The following PPFIA2 variants were observed in gnomAD, a reference collection of about 807,000 sequenced individuals.
PPFIA2 encodes the protein liprin-alpha-2.
PPFIA2 carries 46 observed loss-of-function variants against 175.5 expected under a neutral mutation model. The ratio of observed to expected loss-of-function variants is 0.26; its 90% CI spans 0.21 to 0.34. PPFIA2 has a LOEUF of 0.34. Ranked by LOEUF, PPFIA2 falls within the 10% of genes least tolerant of loss-of-function variation. PPFIA2 has a pLI of 1.00. For synonymous variants in PPFIA2, 568 were observed against 511.4 expected, an observed-to-expected ratio of 1.11 and a Z score of -1.49; for missense variants, 1,179 against 1,506.1, an observed-to-expected ratio of 0.78 and a Z score of 3.60.
intron 3 of PPFIA2, among the ~76,000 whole-genome samples, chr12:81,705,168 G>A (rs907788765): frequency 1.4e-5 from 2 of 147,952 alleles, no homozygotes; most frequent in African/African-American, 4.9e-5. Flanking sequence ...TGAAAGATAC[G>A]GCCGGGCGCA....
rs529663865 is a variant in PPFIA2 at position 81,692,419 on chromosome 12, A to C, written c.250-15575T>G. ...GAAATAATATAAATTGTTTTAAGCC[A>C]GTAAGTGTTCAGGTAATTATTTACA... On this transcript the variant is annotated intron_variant, in intron 3 of 32. Coordinates refer to ENST00000549396, the MANE Select transcript of PPFIA2 (RefSeq NM_003625.5). Among the ~76,000 whole-genome samples the C allele has an allele frequency of 1.2e-3, 188 of 152,140 alleles. 1 individual carries two copies. The highest frequency in any genetic ancestry group is 2.4e-3 in the Non-Finnish European group (160 of 68,020).
chr12:81,490,281 C>T (rs2059287943), intron 4 of PPFIA2, among the ~76,000 whole-genome samples: 1 of 151,852 alleles, frequency 6.6e-6, no homozygotes, highest in Non-Finnish European at 1.5e-5. Flanking sequence ...TAGGATATTT[C>T]TAGAAACGCA....
At chr12:81,342,130 C>A (rs539904768) in intron 19 of PPFIA2, among the ~76,000 whole-genome samples, 1 of 152,058 alleles carries the variant, frequency 6.6e-6, no homozygotes, top group East Asian at 1.9e-4. Flanking sequence ...TTAAAGAACA[C>A]TTTAGTACAG....
At chr12:81,467,171 A>G (rs544460671) in intron 4 of PPFIA2, among the ~76,000 whole-genome samples, 111 of 152,172 alleles carry the variant, frequency 7.3e-4, no homozygotes, top group African/African-American at 2.5e-3. Context: ...GAAGTGATTG[A>G]CATTAGTGTG....
intron 4 of PPFIA2, among the ~76,000 whole-genome samples, chr12:81,655,768 G>A (rs1267933021): frequency 1.3e-5 from 2 of 151,920 alleles, no homozygotes; most frequent in Non-Finnish European, 2.9e-5. Context: ...CTCTATATAT[G>A]TCACCAAGGC....
chr12:81,500,043 T>C (rs1372279002), intron 4 of PPFIA2, among the ~76,000 whole-genome samples: 1 of 152,080 alleles, frequency 6.6e-6, no homozygotes, highest in Non-Finnish European at 1.5e-5. Context: ...CTCTGACCAG[T>C]CCCTCAAAGC....
chr12:81,739,724 G>T (rs953865248), intron 3 of PPFIA2, among the ~76,000 whole-genome samples: 1 of 152,008 alleles, frequency 6.6e-6, no homozygotes, highest in African/African-American at 2.4e-5. Context: ...CATAAAAAGA[G>T]AAAATCATAG....
chr12:81,362,849 T>G (rs2031425891), intron 14 of PPFIA2, 65 bp from the exon 15 acceptor site: 9 of 946,594 alleles, frequency 9.5e-6, no homozygotes, highest in Non-Finnish European at 1.4e-5. Context: ...GATAAATGAG[T>G]CTTAATGATT....
chr12:81,292,134 G>A (rs566336603), intron 24 of PPFIA2, among the ~76,000 whole-genome samples: 1 of 152,034 alleles, frequency 6.6e-6, no homozygotes, highest in South Asian at 2.1e-4. Flanking sequence ...TTTTCATCTG[G>A]AAGTTGGGAC....
chr12:81,625,610 T>G (rs1158576736), intron 4 of PPFIA2, among the ~76,000 whole-genome samples: 2 of 151,828 alleles, frequency 1.3e-5, no homozygotes, highest in African/African-American at 4.8e-5. Flanking sequence ...TTTCTAAGGC[T>G]GTTAATGAAT....
chr12:81,666,615 G>A (rs1202518300), intron 4 of PPFIA2, among the ~76,000 whole-genome samples: 1 of 152,124 alleles, frequency 6.6e-6, no homozygotes, highest in African/African-American at 2.4e-5. Context: ...CTGTTGTGGG[G>A]TGGAGAGAGT....
chr12:81,269,833 T>G (rs2038539590), intron 28 of PPFIA2, among the ~76,000 whole-genome samples: 1 of 152,180 alleles, frequency 6.6e-6, no homozygotes, highest in African/African-American at 2.4e-5. Context: ...CATTGCATGA[T>G]TATGCTGCAA....
rs192756849 is a variant in PPFIA2 at position 81,450,029 on chromosome 12, C to T, written c.406-4309G>A. ...TTATATGTGCCACATTTTCTCAATC[C>T]AGTCTATCATTGATGGACATTTGGG... On this transcript the variant is annotated intron_variant, in intron 5 of 32. Coordinates refer to ENST00000549396, the MANE Select transcript of PPFIA2 (RefSeq NM_003625.5). Among the ~76,000 whole-genome samples, 3 of 152,222 alleles carry T rather than the reference C, an allele frequency of 2.0e-5. No individual in the cohort carries two copies. In the East Asian group the frequency reaches 5.8e-4, roughly 29 times the overall value.
chr12:81,521,819 C>CA (rs958600445), intron 4 of PPFIA2, among the ~76,000 whole-genome samples: 12,289 of 105,498 alleles, frequency 0.12, 626 homozygotes, highest in East Asian at 0.2. Context: ...CTCCATCTCA[C>CA]AAAAAAAAAA....
chr12:81,676,070 G>A (rs111604990), intron 4 of PPFIA2, among the ~76,000 whole-genome samples: 13 of 151,998 alleles, frequency 8.6e-5, no homozygotes, highest in Non-Finnish European at 2.9e-5. Context: ...ATAACACTGA[G>A]TTCTGTATGT....
intron 14 of PPFIA2, 125 bp downstream of exon 14, chr12:81,366,983 A>G: frequency 9.0e-7 from 1 of 1,116,830 alleles, no homozygotes; most frequent in East Asian, 3.1e-5. Flanking sequence ...CTAAAAAGTT[A>G]AAATTGTTTT....
chr12:81,419,019 G>A (rs1228100975), intron 7 of PPFIA2, among the ~76,000 whole-genome samples: 1 of 151,764 alleles, frequency 6.6e-6, no homozygotes, highest in Non-Finnish European at 1.5e-5. Context: ...CTTCTATAGA[G>A]GTGAAATTTA....
chr12:81,416,063 G>A (rs1201137402), intron 7 of PPFIA2, among the ~76,000 whole-genome samples: 1 of 151,470 alleles, frequency 6.6e-6, no homozygotes, highest in Non-Finnish European at 1.5e-5. Context: ...AATTTATATT[G>A]GTCAGAAGAA....
intron 3 of PPFIA2, among the ~76,000 whole-genome samples, chr12:81,681,873 T>C (rs2073702431): frequency 6.6e-6 from 1 of 152,052 alleles, no homozygotes; most frequent in Non-Finnish European, 1.5e-5. Context: ...AATAAAATTC[T>C]AAAGAGTTAG....
Sources: gnomAD v4.1 joint callset for allele counts (sites outside exome capture counted in the v4.1 genomes callset) on GRCh38, gnomAD v4.1.1 for gene constraint, MANE v1.5 for transcripts, NCBI Gene and HGNC (gene_info 2026-07-23, HGNC 2026-07-21) for gene names.